PAPPA2: variants seen among roughly 807,000 people sequenced by gnomAD.
The protein encoded by PAPPA2 is pappalysin-2.
PAPPA2 carries 86 observed loss-of-function variants against 176.4 expected under a neutral mutation model. The observed-to-expected ratio is 0.49, with a 90% CI of 0.41 to 0.58. The LOEUF (loss-of-function observed/expected upper bound fraction) is 0.58. Among genes scored for constraint, PAPPA2 ranks in the 20% least tolerant of loss-of-function variants. PAPPA2 has a pLI of 0.00. For missense variants in PAPPA2, 2,073 were observed against 2,256.9 expected (o/e 0.92, Z 1.65); for synonymous variants, 809 against 852.2 (o/e 0.95, Z 0.88).
intron 1 of PAPPA2, among the ~76,000 whole-genome samples, chr1:176,510,155 G>A (rs1324005473): frequency 1.3e-5 from 2 of 152,056 alleles, no homozygotes; most frequent in African/African-American, 4.8e-5. Flanking sequence ...ATTTCAAGCA[G>A]GCTAAACACA....
intron 9 of PAPPA2, 53 bp from the exon 10 acceptor site, chr1:176,706,306 A>T (rs748727173): frequency 6.7e-7 from 1 of 1,503,128 alleles, no homozygotes; most frequent in Non-Finnish European, 9.2e-7. Context: ...TGGTAGCTAA[A>T]CAAGAAAATT....
chr1:176,780,561 G>T (rs1323716272), intron 17 of PAPPA2, among the ~76,000 whole-genome samples: 1 of 152,122 alleles, frequency 6.6e-6, no homozygotes, highest in Admixed American at 6.6e-5. Flanking sequence ...CCCTCTGCCT[G>T]GCATATCCTC....
At chr1:176,683,744 T>C (rs1055598057) in intron 4 of PAPPA2, among the ~76,000 whole-genome samples, 11 of 152,104 alleles carry the variant, frequency 7.2e-5, no homozygotes, top group African/African-American at 1.4e-4. Flanking sequence ...CTGTTGCCCT[T>C]CCTATTTAGC....
chr1:176,697,102 G>A (rs1214721067), intron 7 of PAPPA2, among the ~76,000 whole-genome samples: 5 of 151,906 alleles, frequency 3.3e-5, no homozygotes, highest in African/African-American at 1.2e-4. Flanking sequence ...TCCCTGACCT[G>A]GTATTTTTTT....
intron 1 of PAPPA2, among the ~76,000 whole-genome samples, chr1:176,536,868 G>A (rs1027716354): frequency 6.6e-6 from 1 of 152,146 alleles, no homozygotes; most frequent in African/African-American, 2.4e-5. Flanking sequence ...GGATATGTAG[G>A]CTCTACACGG....
intron 1 of PAPPA2, among the ~76,000 whole-genome samples, chr1:176,541,647 T>C (rs557673432): frequency 1.3e-5 from 2 of 152,316 alleles, no homozygotes; most frequent in South Asian, 4.1e-4. Flanking sequence ...GCATTTATAA[T>C]GATCCACATC....
chr1:176,576,762 G>A (rs1043112987), intron 2 of PAPPA2, among the ~76,000 whole-genome samples: 5 of 152,160 alleles, frequency 3.3e-5, no homozygotes, highest in South Asian at 2.1e-4. Context: ...ATCAGAATCC[G>A]CATTTATTCA....
chr1:176,643,489 A>G (rs1384805803), intron 3 of PAPPA2, among the ~76,000 whole-genome samples: 1 of 151,516 alleles, frequency 6.6e-6, no homozygotes, highest in Non-Finnish European at 1.5e-5. Context: ...AAAACTAACC[A>G]TAGGCTGAAT....
At chr1:176,620,310 A>G (rs1655513512) in intron 3 of PAPPA2, among the ~76,000 whole-genome samples, 1 of 152,126 alleles carries the variant, frequency 6.6e-6, no homozygotes, top group Non-Finnish European at 1.5e-5. Context: ...AGACACAAAC[A>G]TTTAGACCAT....
Position 176,699,423 on chromosome 1 carries a change from A to G in PAPPA2, c.3070A>G (p.Thr1024Ala), listed in dbSNP as rs1488075504. Reference sequence around the variant, plus strand: ...GAAGGTGTCGGGGGTGAAAGTCTACACCTTTGATGAGAGGATAGAGATTGA... The same window carrying G: ...GAAGGTGTCGGGGGTGAAAGTCTACGCCTTTGATGAGAGGATAGAGATTGA... Reference protein sequence around the residue: ...DGKVSGVKVYTFDERIEIDAA... With the variant: ...DGKVSGVKVYAFDERIEIDAA... Residue 1024 changes from threonine (T) to alanine (A), a missense_variant, in exon 8 of 23, where the codon ACC becomes GCC. Physicochemically the swap from Thr to Ala is moderately conservative, Grantham distance 58 (BLOSUM62 0). Transcript: ENST00000367662. 2 of 1,614,016 alleles carry G rather than the reference A, an allele frequency of 1.2e-6. No individual in the cohort carries two copies. The highest frequency in any genetic ancestry group is 1.7e-6 in the Non-Finnish European group (2 of 1,179,988).
chr1:176,670,332 A>G (rs991960421), intron 3 of PAPPA2, among the ~76,000 whole-genome samples: 2 of 152,212 alleles, frequency 1.3e-5, no homozygotes, highest in Non-Finnish European at 2.9e-5. Flanking sequence ...CATACTAGGT[A>G]TCATAAAGTA....
intron 1 of PAPPA2, among the ~76,000 whole-genome samples, chr1:176,479,270 C>A (rs1454521829): frequency 6.6e-6 from 1 of 152,122 alleles, no homozygotes; most frequent in Non-Finnish European, 1.5e-5. Flanking sequence ...GCGTTAGAAC[C>A]ATCTCTTTTG....
intron 17 of PAPPA2, among the ~76,000 whole-genome samples, chr1:176,773,630 T>A (rs1203372527): frequency 1.3e-5 from 2 of 152,222 alleles, no homozygotes; most frequent in Non-Finnish European, 1.5e-5. Context: ...AAGTAGTAAC[T>A]ATTTCTATCC....
chr1:176,692,037 C>A, intron 5 of PAPPA2, 89 bp from the exon 6 acceptor site: 1 of 1,278,400 alleles, frequency 7.8e-7, no homozygotes. Context: ...GTTAACTCAG[C>A]CATGAACAAG....
intron 14 of PAPPA2, among the ~76,000 whole-genome samples, chr1:176,743,301 C>T (rs1189086807): frequency 1.3e-5 from 2 of 152,174 alleles, no homozygotes; most frequent in Non-Finnish European, 2.9e-5. Context: ...ATTCTTTCTT[C>T]ATTCCCTGGT....
intron 3 of PAPPA2, among the ~76,000 whole-genome samples, chr1:176,623,009 C>G (rs1458443624): frequency 6.6e-6 from 1 of 152,142 alleles, no homozygotes; most frequent in Non-Finnish European, 1.5e-5. Flanking sequence ...GGGCACTAAT[C>G]TCATTCATAA....
chr1:176,520,680 A>G (rs1030037827), intron 1 of PAPPA2, among the ~76,000 whole-genome samples: 3 of 152,228 alleles, frequency 2.0e-5, no homozygotes, highest in African/African-American at 4.8e-5. Flanking sequence ...AGCTGGTTGC[A>G]GAGTAAGTGT....
At chr1:176,533,305 G>A (rs1191970229) in intron 1 of PAPPA2, among the ~76,000 whole-genome samples, 1 of 152,238 alleles carries the variant, frequency 6.6e-6, no homozygotes, top group Non-Finnish European at 1.5e-5. Flanking sequence ...TTGGGAGCAA[G>A]TACATGGTTC....
chr1:176,681,301 C>T (rs1236032045), intron 4 of PAPPA2, among the ~76,000 whole-genome samples: 1 of 152,136 alleles, frequency 6.6e-6, no homozygotes, highest in Non-Finnish European at 1.5e-5. Context: ...AATGTCTGTA[C>T]CACCACAGAG....
Sources: allele counts gnomAD v4.1 joint callset (sites outside exome capture counted in the v4.1 genomes callset), GRCh38; gene constraint gnomAD v4.1.1; transcripts MANE v1.5; gene names NCBI Gene and HGNC (gene_info 2026-07-23, HGNC 2026-07-21).